The following DCDC2 variants were observed in gnomAD, a reference collection of about 807,000 sequenced individuals.
DCDC2 encodes the protein doublecortin domain containing 2.
A neutral mutation model predicts 50.2 loss-of-function variants in DCDC2; 40 were observed. That is an observed-to-expected ratio of 0.80 (90% CI 0.62 to 1.04). DCDC2 has a LOEUF of 1.04. Ranked by LOEUF, DCDC2 falls within the 50% of genes least tolerant of loss-of-function variation. DCDC2 has a pLI of 0.00. For missense variants in DCDC2, 570 were observed against 581.9 expected (o/e 0.98, Z 0.21); for synonymous variants, 234 against 210.6 (o/e 1.11, Z -0.96).
chr6:24,304,480 C>T (rs1759435025), intron 2 of DCDC2, among the ~76,000 whole-genome samples: 1 of 152,070 alleles, frequency 6.6e-6, no homozygotes, highest in Non-Finnish European at 1.5e-5. Context: ...GAGACTCTGT[C>T]TCAAAAGAAA....
At chr6:24,315,793 T>G (rs1273958761) in intron 2 of DCDC2, among the ~76,000 whole-genome samples, 1 of 151,918 alleles carries the variant, frequency 6.6e-6, no homozygotes, top group Non-Finnish European at 1.5e-5. Context: ...ATAATTAGAC[T>G]CCACTGCAGA....
chr6:24,332,193 C>T (rs1759976660), intron 2 of DCDC2, among the ~76,000 whole-genome samples: 1 of 152,140 alleles, frequency 6.6e-6, no homozygotes. Context: ...ATAATTTTGC[C>T]ACTTCCCATC....
chr6:24,358,024 C>CA lies in DCDC2; in HGVS notation c.-275dup. ...CGCAGTGCGCGCACCACACCAGGTTCACCTGCTACGGGCAGAATCAAGGTG... is the reference window on the plus strand; with the variant it reads ...CGCAGTGCGCGCACCACACCAGGTTCAACCTGCTACGGGCAGAATCAAGGTG... On this transcript the variant is annotated 5_prime_UTR_variant, in exon 1 of 10. Transcript: ENST00000378454. 1 of 1,239,166 alleles carries CA rather than the reference C, an allele frequency of 8.1e-7. No homozygotes were observed. The highest frequency in any genetic ancestry group is 1.1e-6 in the Non-Finnish European group (1 of 911,858). The allele number at this position is 1,239,166 out of a possible 1,614,324, so 76.8% of individuals were successfully genotyped here. A position where few individuals can be genotyped will look rare whatever the true frequency, so the allele number is the denominator to read the frequency against.
intron 8 of DCDC2, among the ~76,000 whole-genome samples, chr6:24,194,991 G>A (rs1761400521): frequency 1.3e-5 from 2 of 152,082 alleles, no homozygotes; most frequent in Non-Finnish European, 2.9e-5. Context: ...GGACCTTGGG[G>A]CAGAGCTCAG....
chr6:24,367,208 G>C, the DCDC2 span, among the ~76,000 whole-genome samples: 6 of 152,154 alleles, frequency 3.9e-5, no homozygotes, highest in Non-Finnish European at 4.4e-5. Context: ...CCAAAACTTG[G>C]GTAATAACAG....
upstream of DCDC2, among the ~76,000 whole-genome samples, chr6:24,362,902 T>C (rs759482198): frequency 7.2e-5 from 11 of 152,172 alleles, no homozygotes; most frequent in Non-Finnish European, 1.3e-4. Context: ...AGATGCTTGC[T>C]GAATTGGTTT....
chr6:24,357,219 T>C, intron 1 of DCDC2: 1 of 413,032 alleles, frequency 2.4e-6, no homozygotes, highest in Non-Finnish European at 4.3e-6. Flanking sequence ...AGATTCCTGT[T>C]GTTTATACAC....
chr6:24,287,562 C>T (rs1225507811), intron 6 of DCDC2, among the ~76,000 whole-genome samples: 5 of 152,178 alleles, frequency 3.3e-5, no homozygotes, highest in African/African-American at 4.8e-5. Context: ...TAAATCACTA[C>T]TGTAAAGAGC....
intron 6 of DCDC2, among the ~76,000 whole-genome samples, chr6:24,286,353 G>T (rs544890318): frequency 2.6e-5 from 4 of 152,114 alleles, no homozygotes; most frequent in African/African-American, 7.2e-5. Context: ...AACACTTTGC[G>T]AGGCCAAGGC....
intron 2 of DCDC2, among the ~76,000 whole-genome samples, chr6:24,352,144 A>G (rs965846835): frequency 6.6e-6 from 1 of 152,144 alleles, no homozygotes; most frequent in Non-Finnish European, 1.5e-5. Flanking sequence ...CGATAAATCT[A>G]TTGCACACCT....
At chr6:24,348,629 C>T (rs1406952732) in intron 2 of DCDC2, among the ~76,000 whole-genome samples, 1 of 152,178 alleles carries the variant, frequency 6.6e-6, no homozygotes, top group Non-Finnish European at 1.5e-5. Context: ...ATAATACCCT[C>T]TTAATCAAGT....
At chr6:24,350,953 G>A (rs1760358737) in intron 2 of DCDC2, among the ~76,000 whole-genome samples, 1 of 152,126 alleles carries the variant, frequency 6.6e-6, no homozygotes, top group African/African-American at 2.4e-5. Context: ...TTATCAACTT[G>A]TTGAACTCCA....
At chr6:24,317,347 G>A (rs1759691098) in intron 2 of DCDC2, among the ~76,000 whole-genome samples, 1 of 152,006 alleles carries the variant, frequency 6.6e-6, no homozygotes, top group Non-Finnish European at 1.5e-5. Context: ...AGTACATATG[G>A]AAATTTAGTA....
At chr6:24,317,540 A>G (rs1302687375) in intron 2 of DCDC2, among the ~76,000 whole-genome samples, 2 of 152,106 alleles carry the variant, frequency 1.3e-5, no homozygotes, top group African/African-American at 4.8e-5. Flanking sequence ...AAATCATACA[A>G]GTACTAAAAG....
intron 7 of DCDC2, among the ~76,000 whole-genome samples, chr6:24,231,165 C>G (rs545537290): frequency 1.3e-5 from 2 of 152,330 alleles, no homozygotes; most frequent in South Asian, 4.1e-4. Flanking sequence ...TCCCACATTC[C>G]CTTCTCAGCA....
intron 7 of DCDC2, among the ~76,000 whole-genome samples, chr6:24,268,136 A>G (rs1346768753): frequency 6.6e-6 from 1 of 152,190 alleles, no homozygotes; most frequent in African/African-American, 2.4e-5. Flanking sequence ...GTATCATCCA[A>G]CATTTCCCAA....
chr6:24,313,253 T>C (rs568420813), intron 2 of DCDC2, among the ~76,000 whole-genome samples: 2 of 152,260 alleles, frequency 1.3e-5, no homozygotes, highest in South Asian at 4.1e-4. Context: ...CACAAGTAAA[T>C]GCCCATGGGT....
chr6:24,379,713 T>A, the DCDC2 span, among the ~76,000 whole-genome samples: 1 of 152,150 alleles, frequency 6.6e-6, no homozygotes, highest in Non-Finnish European at 1.5e-5. Flanking sequence ...GGATTATAAA[T>A]CATGTTACTA....
chr6:24,278,201 C>T lies in DCDC2; in HGVS notation c.770G>A (p.Arg257His), dbSNP rs200233521. The change falls in exon 7 of 10, where the codon CGC becomes CAC. Residue 257 changes from arginine (R) to histidine (H), a missense_variant. By Grantham distance (29) the Arg-to-His change is conservative. Transcript: ENST00000378454. ...SRKSKGSGND[R>H]HSKSTVGSSD... ...GGATCCAACTGTTGACTTAGAGTGG[C>T]GATCATTTCCCTAAATGGCAAAGTA... is the stretch of plus-strand genomic sequence containing the variant. 1.6e-4 allele frequency: 265 copies of T among 1,606,360 alleles called. 1 individual carries two copies. The highest frequency in any genetic ancestry group is 1.6e-3 in the Admixed American group (96 of 58,236).
Sources: gnomAD v4.1 joint callset for allele counts (sites outside exome capture counted in the v4.1 genomes callset) on GRCh38, gnomAD v4.1.1 for gene constraint, MANE v1.5 for transcripts, NCBI Gene and HGNC (gene_info 2026-07-23, HGNC 2026-07-21) for gene names.